BID: variants seen among roughly 807,000 people sequenced by gnomAD.
The protein encoded by BID is BH3 interacting domain death agonist.
In BID, 19 loss-of-function variants were observed where a neutral mutation model predicts 17.4. That is an observed-to-expected ratio of 1.09 (90% CI 0.76 to 1.60). The LOEUF is 1.60. Among genes scored for constraint, BID ranks in the 40% most tolerant of loss-of-function variants. The pLI is 0.00. For synonymous variants in BID, 108 were observed against 102.8 expected (o/e 1.05, Z -0.31); for missense variants, 226 against 256.0 (o/e 0.88, Z 0.80).
At chr22:17,753,645 G>A (rs2061558164) in intron 1 of BID, among the ~76,000 whole-genome samples, 1 of 152,238 alleles carries the variant, frequency 6.6e-6, no homozygotes, top group South Asian at 2.1e-4. Context: ...AGGCTCCCCC[G>A]TCAATAGCGG....
In BID at chr22:17,750,598, G is replaced by T. The variant is rs149893042; in HGVS notation, c.-58-424C>A. Among the ~76,000 whole-genome samples, 1,135 of 152,344 alleles carry T rather than the reference G, an allele frequency of 7.5e-3. 24 individuals are homozygous for T. Among genetic ancestry groups the T allele is most frequent in the Admixed American group, 0.034 (522 of 15,300 alleles). On this transcript the variant is annotated intron_variant, in intron 1 of 5. Coordinates refer to ENST00000622694, the MANE Select transcript of BID (RefSeq NM_001196.4). ...AATCCCAGCACTTTGGGAGGCCGAG[G>T]CGGGTGGATCATGAGGTCAGGAGAT... is the stretch of plus-strand genomic sequence containing the variant.
intron 1 of BID, among the ~76,000 whole-genome samples, chr22:17,752,692 G>A (rs901277506): frequency 2.4e-4 from 36 of 151,668 alleles, no homozygotes; most frequent in African/African-American, 8.0e-4. Flanking sequence ...TTGAGACGGA[G>A]TCTCACTGTG....
At chr22:17,752,245 A>T (rs1057318726) in intron 1 of BID, among the ~76,000 whole-genome samples, 6 of 152,086 alleles carry the variant, frequency 3.9e-5, no homozygotes, top group Non-Finnish European at 7.4e-5. Context: ...TGCCAGGGCG[A>T]CTTGGATACC....
Position 17,750,182 on chromosome 22 carries a change from G to C in BID, c.-58-8C>G. The C allele has an allele frequency of 6.2e-7, 1 of 1,611,368 alleles. No homozygotes were observed. The highest frequency in any genetic ancestry group is 1.1e-5 in the South Asian group (1 of 90,516). ...CAGTGTCCCAGTGGCGACCTGGAAAGGGACACACAGAGTGGGCGGCCGCTC... is the reference window on the plus strand; with the variant it reads ...CAGTGTCCCAGTGGCGACCTGGAAACGGACACACAGAGTGGGCGGCCGCTC... On this transcript the variant is annotated splice_polypyrimidine_tract_variant and splice_region_variant and intron_variant, in intron 1 of 5. Transcript: ENST00000622694.
chr22:17,744,411 G>T (rs576596770), intron 2 of BID, among the ~76,000 whole-genome samples: 5 of 152,244 alleles, frequency 3.3e-5, no homozygotes, highest in Non-Finnish European at 7.3e-5. Flanking sequence ...TCCCCTGCAG[G>T]CTTCAGCAAT....
chr22:17,752,670 C>CT (rs2061548204), intron 1 of BID, among the ~76,000 whole-genome samples: 3 of 108,918 alleles, frequency 2.8e-5, no homozygotes, highest in Non-Finnish European at 5.8e-5. Context: ...CCCAATGGGA[C>CT]ATTTTTTTTT....
intron 2 of BID, among the ~76,000 whole-genome samples, chr22:17,746,930 C>T (rs575251694): frequency 1.5e-3 from 226 of 152,320 alleles, no homozygotes; most frequent in African/African-American, 5.2e-3. Flanking sequence ...AAGAAGCTAA[C>T]GCAGGCAGCC....
At chr22:17,746,712 G>C (rs2061497265) in intron 2 of BID, among the ~76,000 whole-genome samples, 1 of 152,330 alleles carries the variant, frequency 6.6e-6, no homozygotes, top group Middle Eastern at 3.4e-3. Context: ...TGGTGTCTTT[G>C]TAAGAGAAAG....
At chr22:17,744,933 G>A (rs571175862) in intron 2 of BID, among the ~76,000 whole-genome samples, 1 of 152,336 alleles carries the variant, frequency 6.6e-6, no homozygotes, top group South Asian at 2.1e-4. Context: ...AGAGAAGGGT[G>A]GGAGGGAAGA....
At chr22:17,758,892 C>T (rs894612595) in intron 1 of BID, among the ~76,000 whole-genome samples, 2 of 148,664 alleles carry the variant, frequency 1.3e-5, no homozygotes, top group Non-Finnish European at 3.0e-5. Context: ...AATGGGAAAT[C>T]TTATGCTATA....
At chr22:17,753,249 A>C (rs2061555121) in intron 1 of BID, among the ~76,000 whole-genome samples, 1 of 152,178 alleles carries the variant, frequency 6.6e-6, no homozygotes, top group Non-Finnish European at 1.5e-5. Flanking sequence ...TACAGGCGTG[A>C]ACCACCGCGC....
intron 3 of BID, chr22:17,739,841 T>G (rs2061446195): frequency 1.7e-6 from 1 of 603,586 alleles, no homozygotes; most frequent in African/African-American, 1.9e-5. Context: ...AGGGTTGGCC[T>G]TGGCCTGGGC....
chr22:17,772,256 T>C (rs1601888161), intron 1 of BID, among the ~76,000 whole-genome samples: 1 of 152,384 alleles, frequency 6.6e-6, no homozygotes. Context: ...AGGATATATG[T>C]GGCCGCTGAG....
At chr22:17,744,694 C>CA (rs561834794) in intron 2 of BID, among the ~76,000 whole-genome samples, 58 of 152,334 alleles carry the variant, frequency 3.8e-4, no homozygotes, top group African/African-American at 1.4e-3. Flanking sequence ...CCCTGGGCAG[C>CA]ACTGGCAGCT....
At chr22:17,745,191 C>T (rs78524802) in intron 2 of BID, among the ~76,000 whole-genome samples, 5,539 of 152,160 alleles carry the variant, frequency 0.036, 158 homozygotes, top group East Asian at 0.086. Flanking sequence ...GCTGGGATTA[C>T]AGGTGTGCAT....
intron 2 of BID, 71 bp downstream of exon 2, chr22:17,750,034 G>A (rs1015314666): frequency 2.1e-6 from 3 of 1,444,604 alleles, no homozygotes; most frequent in Non-Finnish European, 1.9e-6. Context: ...GATGCGTGGT[G>A]GGGGACACGC....
Position 17,770,309 on chromosome 22 carries a change from C to T in BID, c.-59+4072G>A, listed in dbSNP as rs570242096. 1.3e-4 allele frequency among the ~76,000 whole-genome samples: 20 copies of T among 152,326 alleles called. No individual in the cohort carries two copies. In the East Asian group the frequency reaches 2.7e-3, roughly 21 times the overall value. ...ACCTGCAATGTGATCTCACCTTCCC[C>T]GTCTGTAAAAGGGGACACTCCCTGC... On this transcript the variant is annotated intron_variant, in intron 1 of 5. Transcript: ENST00000622694.
chr22:17,737,227 G>A (rs1474066528), intron 5 of BID, among the ~76,000 whole-genome samples: 1 of 152,204 alleles, frequency 6.6e-6, no homozygotes, highest in Non-Finnish European at 1.5e-5. Context: ...TGGGATTACA[G>A]GCTTGAGCCA....
intron 1 of BID, among the ~76,000 whole-genome samples, chr22:17,770,680 G>A (rs2061712605): frequency 6.6e-6 from 1 of 152,246 alleles, no homozygotes; most frequent in Admixed American, 6.5e-5. Flanking sequence ...TTCAGCAGCT[G>A]TCCCCAAGCA....
Sources: allele counts gnomAD v4.1 joint callset (sites outside exome capture counted in the v4.1 genomes callset), GRCh38; gene constraint gnomAD v4.1.1; transcripts MANE v1.5; gene names NCBI Gene and HGNC (gene_info 2026-07-23, HGNC 2026-07-21).